RAI14: variants seen among roughly 807,000 people sequenced by gnomAD.
RAI14 encodes retinoic acid induced 14.
In RAI14, 45 loss-of-function variants were observed where a neutral mutation model predicts 115.4. The ratio of observed to expected loss-of-function variants is 0.39; its 90% CI spans 0.31 to 0.50. RAI14 has a LOEUF of 0.50. RAI14 is among the 20% of genes least tolerant of loss of function. The pLI is 0.85. For missense variants in RAI14, 939 were observed against 1,131.2 expected, an observed-to-expected ratio of 0.83 and a Z score of 2.44; for synonymous variants, 371 against 415.4, an observed-to-expected ratio of 0.89 and a Z score of 1.30.
intron 2 of RAI14, 60 bp downstream of exon 2, chr5:34,687,015 G>T (rs1375008036): frequency 3.8e-6 from 6 of 1,581,930 alleles, no homozygotes; most frequent in Non-Finnish European, 5.2e-6. Flanking sequence ...CTGCAGAAAC[G>T]CTCCTCCCCA....
intron 2 of RAI14, among the ~76,000 whole-genome samples, chr5:34,700,885 A>T (rs1225507837): frequency 6.6e-6 from 1 of 152,250 alleles, no homozygotes; most frequent in Non-Finnish European, 1.5e-5. Flanking sequence ...AGGCTAATTA[A>T]CTAGCCTGTG....
At chr5:34,717,507 A>C (rs1488535540) in intron 2 of RAI14, among the ~76,000 whole-genome samples, 1 of 152,172 alleles carries the variant, frequency 6.6e-6, no homozygotes, top group African/African-American at 2.4e-5. Context: ...GCGGGGGGGA[A>C]TCCTTGTGGA....
chr5:34,822,126 T>C (rs895996905), intron 14 of RAI14, among the ~76,000 whole-genome samples: 9 of 148,470 alleles, frequency 6.1e-5, no homozygotes, highest in African/African-American at 2.2e-4. Flanking sequence ...TAAAACAAAA[T>C]TTATAGAAAA....
intron 1 of RAI14, chr5:34,657,230 C>T (rs1742342250): frequency 6.8e-6 from 1 of 147,148 alleles, no homozygotes; most frequent in African/African-American, 2.5e-5. Flanking sequence ...CCCGCGACCC[C>T]TGCCTGGTGG....
intron 2 of RAI14, among the ~76,000 whole-genome samples, chr5:34,736,052 A>T (rs6885912): frequency 0.07 from 10,689 of 152,320 alleles, 421 homozygotes; most frequent in Middle Eastern, 0.2. Flanking sequence ...AGGTCTCGAT[A>T]GGTGGTTTTC....
chr5:34,828,645 T>A (rs1470375989), intron 16 of RAI14, among the ~76,000 whole-genome samples: 1 of 152,184 alleles, frequency 6.6e-6, no homozygotes, highest in Non-Finnish European at 1.5e-5. Context: ...GTAATCCATA[T>A]ATGATGGTCT....
intron 2 of RAI14, chr5:34,687,420 C>T (rs2149886051): frequency 1.9e-6 from 1 of 518,606 alleles, no homozygotes; most frequent in Non-Finnish European, 3.0e-6. Context: ...ATGGTATCTA[C>T]TGCTGCCCGT....
chr5:34,697,122 C>A (rs1579941644), intron 2 of RAI14, among the ~76,000 whole-genome samples: 1 of 147,976 alleles, frequency 6.8e-6, no homozygotes, highest in East Asian at 2.0e-4. Context: ...CAGAGTAAGA[C>A]TCCATCTCAA....
intron 2 of RAI14, among the ~76,000 whole-genome samples, chr5:34,753,016 G>A (rs62355685): frequency 5.9e-5 from 9 of 151,926 alleles, no homozygotes; most frequent in East Asian, 3.9e-4. Context: ...ATTAAAGGTG[G>A]TACATCTGAT....
chr5:34,818,304 C>G (rs1756480088), intron 12 of RAI14, among the ~76,000 whole-genome samples: 1 of 152,110 alleles, frequency 6.6e-6, no homozygotes, highest in Non-Finnish European at 1.5e-5. Flanking sequence ...TATTTATTAC[C>G]ATTTCCCTTA....
At chr5:34,799,582 T>A (rs905133357) in intron 4 of RAI14, among the ~76,000 whole-genome samples, 2 of 151,988 alleles carry the variant, frequency 1.3e-5, no homozygotes, top group Non-Finnish European at 2.9e-5. Context: ...CTTTTTATTC[T>A]TTTTATCCAT....
intron 2 of RAI14, among the ~76,000 whole-genome samples, chr5:34,688,716 C>G (rs1738187557): frequency 6.6e-6 from 1 of 152,020 alleles, no homozygotes. Context: ...CTCTCCACAT[C>G]CAAATTGTTT....
intron 2 of RAI14, among the ~76,000 whole-genome samples, chr5:34,732,434 G>A (rs1744310671): frequency 7.5e-6 from 1 of 132,936 alleles, no homozygotes; most frequent in Non-Finnish European, 1.6e-5. Context: ...TATTTACCAT[G>A]CTTGATTTTT....
intron 5 of RAI14, among the ~76,000 whole-genome samples, chr5:34,805,668 C>G (rs1269538276): frequency 6.6e-6 from 1 of 152,048 alleles, no homozygotes; most frequent in African/African-American, 2.4e-5. Flanking sequence ...GGTGAAACCC[C>G]ATCTCTTCTA....
At chr5:34,788,839 C>G (rs1335400325) in intron 3 of RAI14, among the ~76,000 whole-genome samples, 1 of 152,082 alleles carries the variant, frequency 6.6e-6, no homozygotes, top group Admixed American at 6.5e-5. Flanking sequence ...CATGGTGGCA[C>G]ATACCTGTAA....
At chr5:34,822,250 G>GTATGTATATATATATATATATATATATA (rs1554012471) in intron 14 of RAI14, among the ~76,000 whole-genome samples, 4 of 134,736 alleles carry the variant, frequency 3.0e-5, no homozygotes, top group African/African-American at 1.1e-4. Flanking sequence ...ATGTGTGTAT[G>GTATGTATATATATATATATATATATATA]TATATATATA....
At position 34,830,815 on chromosome 5, in the gene RAI14, G is replaced by A; in HGVS notation, c.*50G>A. 6.2e-7 allele frequency: 1 copy of A among 1,611,200 alleles called. No homozygotes were observed. Among genetic ancestry groups the A allele is most frequent in the Non-Finnish European group, 8.5e-7 (1 of 1,178,470 alleles). On this transcript the variant is annotated 3_prime_UTR_variant, in exon 18 of 18. Transcript: ENST00000265109. ...CCCCTTGTCATCTGTCTTTGTGTTA[G>A]ATCCAGAGTTGTCGGCAGCCGCTGC...
chr5:34,677,146 A>AGGTTAGTATATTCC (rs879688199), intron 1 of RAI14, among the ~76,000 whole-genome samples: 1 of 151,086 alleles, frequency 6.6e-6, no homozygotes, highest in African/African-American at 2.4e-5. Flanking sequence ...TCTGGATGAA[A>AGGTTAGTATATTCC]TCTATGACAT....
At chr5:34,798,361 T>TAA (rs1554006836) in intron 4 of RAI14, among the ~76,000 whole-genome samples, 1 of 149,910 alleles carries the variant, frequency 6.7e-6, no homozygotes, top group Non-Finnish European at 1.5e-5. Context: ...TTTTTTTTTT[T>TAA]AATACATGCT....
Sources: allele counts gnomAD v4.1 joint callset (sites outside exome capture counted in the v4.1 genomes callset), GRCh38; gene constraint gnomAD v4.1.1; transcripts MANE v1.5; gene names NCBI Gene and HGNC (gene_info 2026-07-23, HGNC 2026-07-21).